ARHGEF33: variants seen among roughly 807,000 people sequenced by gnomAD.
ARHGEF33 encodes DH and coiled-coil domain-containing protein ENSP00000381780.
A neutral mutation model predicts 101.9 loss-of-function variants in ARHGEF33; 72 were observed. The observed-to-expected ratio is 0.71, with a 90% CI of 0.58 to 0.86. ARHGEF33 has a LOEUF of 0.86. Ranked by LOEUF, ARHGEF33 falls within the 40% of genes least tolerant of loss-of-function variation. The pLI, the probability that ARHGEF33 is intolerant of heterozygous loss-of-function variation, is 0.00. For missense variants in ARHGEF33, 1,169 were observed against 1,111.3 expected, an observed-to-expected ratio of 1.05 and a Z score of -0.74; for synonymous variants, 499 against 442.5, an observed-to-expected ratio of 1.13 and a Z score of -1.60.
intron 2 of ARHGEF33, among the ~76,000 whole-genome samples, chr2:38,909,903 AT>A (rs1233627897): frequency 6.6e-6 from 1 of 152,010 alleles, no homozygotes. Flanking sequence ...TTTTATAACC[AT>A]TAATTTTTAT....
chr2:38,919,497 T>G (rs1666709487), intron 3 of ARHGEF33, 25 bp downstream of exon 3: 1 of 1,551,180 alleles, frequency 6.4e-7, no homozygotes, highest in African/African-American at 1.4e-5. Flanking sequence ...ATGTCTTGCT[T>G]TAGGACTTAG....
intron 2 of ARHGEF33, among the ~76,000 whole-genome samples, chr2:38,904,773 A>G (rs573114098): frequency 7.2e-5 from 11 of 152,192 alleles, no homozygotes; most frequent in African/African-American, 2.4e-4. Context: ...TTGAGCAGGA[A>G]CAAAAGATCA....
intron 2 of ARHGEF33, among the ~76,000 whole-genome samples, chr2:38,899,793 T>C (rs554554379): frequency 6.6e-6 from 1 of 152,234 alleles, no homozygotes; most frequent in African/African-American, 2.4e-5. Context: ...GCATATATCA[T>C]AACATTGCAC....
chr2:38,914,138 A>C (rs181566190), intron 2 of ARHGEF33, among the ~76,000 whole-genome samples: 2 of 152,354 alleles, frequency 1.3e-5, no homozygotes, highest in Admixed American at 1.3e-4. Flanking sequence ...GTATTCAGGC[A>C]ATGAATATTC....
At chr2:38,926,546 G>A (rs185207983) in intron 4 of ARHGEF33, among the ~76,000 whole-genome samples, 217 of 152,284 alleles carry the variant, frequency 1.4e-3, no homozygotes, top group African/African-American at 5.1e-3. Flanking sequence ...CAGTAGCAAC[G>A]CTTCAGTGGC....
At chr2:38,917,554 G>C (rs977040174) in intron 2 of ARHGEF33, among the ~76,000 whole-genome samples, 1 of 152,004 alleles carries the variant, frequency 6.6e-6, no homozygotes, top group Admixed American at 6.6e-5. Context: ...GTGCGGCCAG[G>C]CATAGTGGCT....
intron 2 of ARHGEF33, among the ~76,000 whole-genome samples, chr2:38,905,079 A>G (rs1161241394): frequency 2.0e-5 from 3 of 152,114 alleles, no homozygotes; most frequent in African/African-American, 7.2e-5. Context: ...GGTTAAAGAT[A>G]CCAATGTGAT....
intron 2 of ARHGEF33, among the ~76,000 whole-genome samples, chr2:38,914,955 A>G (rs1179648255): frequency 6.6e-6 from 1 of 151,692 alleles, no homozygotes; most frequent in Non-Finnish European, 1.5e-5. Context: ...TTTTTTTTTT[A>G]ATTTTTAAAA....
chr2:38,909,630 T>G (rs1666466389), intron 2 of ARHGEF33, among the ~76,000 whole-genome samples: 1 of 151,462 alleles, frequency 6.6e-6, no homozygotes, highest in African/African-American at 2.4e-5. Context: ...TGAGTCACTG[T>G]GCCAGACCCC....
intron 2 of ARHGEF33, among the ~76,000 whole-genome samples, chr2:38,918,647 A>G (rs554901225): frequency 6.6e-6 from 1 of 152,216 alleles, no homozygotes; most frequent in African/African-American, 2.4e-5. Context: ...AGTCTACCAG[A>G]TGCCGAAAGT....
chr2:38,957,189 G>T, intron 14 of ARHGEF33, 142 bp downstream of exon 14: 1 of 1,070,696 alleles, frequency 9.3e-7, no homozygotes, highest in Non-Finnish European at 1.3e-6. Context: ...GAAAGAGCTA[G>T]TCAGACTGGT....
At chr2:38,904,933 C>T (rs1038100993) in intron 2 of ARHGEF33, among the ~76,000 whole-genome samples, 9 of 152,046 alleles carry the variant, frequency 5.9e-5, no homozygotes, top group Admixed American at 5.9e-4. Context: ...TGAAAGACAC[C>T]TTAGCAAGGA....
chr2:38,910,675 C>T (rs1666490262), intron 2 of ARHGEF33, among the ~76,000 whole-genome samples: 1 of 152,130 alleles, frequency 6.6e-6, no homozygotes, highest in South Asian at 2.1e-4. Context: ...TGGTTACATC[C>T]CTCTTTTTAG....
chr2:38,944,938 G>A (rs1164582428), intron 10 of ARHGEF33, among the ~76,000 whole-genome samples: 4 of 151,406 alleles, frequency 2.6e-5, no homozygotes, highest in South Asian at 2.1e-4. Context: ...GTAACAGCAC[G>A]CTTTCCCAAT....
chr2:38,938,654 A>G lies in ARHGEF33; in HGVS notation c.790+1095A>G, dbSNP rs1029346034. 5.9e-5 allele frequency among the ~76,000 whole-genome samples: 9 copies of G among 152,234 alleles called. No individual in the cohort carries two copies. In the East Asian group the frequency reaches 1.2e-3, roughly 20 times the overall value. Reference sequence around the variant, plus strand: ...GCTAATAGACATTTTACATGTGTCTATCCCCTGTGATCACCACCCAGATCA... The same window carrying G: ...GCTAATAGACATTTTACATGTGTCTGTCCCCTGTGATCACCACCCAGATCA... On this transcript the variant is annotated intron_variant, in intron 9 of 17. Transcript: ENST00000409978.
At chr2:38,923,090 C>G (rs544395466) in intron 4 of ARHGEF33, among the ~76,000 whole-genome samples, 2 of 152,194 alleles carry the variant, frequency 1.3e-5, no homozygotes, top group Non-Finnish European at 1.5e-5. Context: ...ATGTAGGTCA[C>G]TCCCTGAATG....
In ARHGEF33 at chr2:38,960,306, G is replaced by A. The variant is rs570467982; in HGVS notation, c.2001G>A (p.Glu667=). The A allele has an allele frequency of 6.5e-7, 1 of 1,544,772 alleles. No homozygotes were observed. Among genetic ancestry groups the A allele is most frequent in the African/African-American group, 1.4e-5 (1 of 72,964 alleles). The part of the protein sequence containing the change: ...LRPVSFAMEA[E]RPEHPLQPLP... ...CCGTCAGCTTCGCCATGGAGGCCGAGCGGCCGGAGCACCCGCTGCAGCCGC... is the reference window on the plus strand; with the variant it reads ...CCGTCAGCTTCGCCATGGAGGCCGAACGGCCGGAGCACCCGCTGCAGCCGC... Residue 667 remains glutamate (E), a synonymous_variant, in exon 16 of 18, where the codon GAG becomes GAA. Coordinates refer to ENST00000409978, the MANE Select transcript of ARHGEF33 (RefSeq NM_001145451.5).
At chr2:38,890,905 GA>G (rs760490505) in intron 1 of ARHGEF33, among the ~76,000 whole-genome samples, 10 of 151,174 alleles carry the variant, frequency 6.6e-5, no homozygotes, top group Non-Finnish European at 1.3e-4. Flanking sequence ...ATGGGCTCTG[GA>G]AATGCAATCT....
intron 13 of ARHGEF33, among the ~76,000 whole-genome samples, chr2:38,956,064 G>T (rs1223145813): frequency 6.6e-6 from 1 of 152,036 alleles, no homozygotes; most frequent in African/African-American, 2.4e-5. Context: ...CATGAAATAG[G>T]TATTATTGTT....
Sources: allele counts gnomAD v4.1 joint callset (sites outside exome capture counted in the v4.1 genomes callset), GRCh38; gene constraint gnomAD v4.1.1; transcripts MANE v1.5; gene names NCBI Gene and HGNC (gene_info 2026-07-23, HGNC 2026-07-21).